Variants in TENM4 observed in about 807,000 individuals in gnomAD.
The protein encoded by TENM4 is teneurin-4.
In TENM4, 82 loss-of-function variants were observed where a neutral mutation model predicts 243.3. That is an observed-to-expected ratio of 0.34 (90% confidence interval 0.28 to 0.40). The LOEUF (loss-of-function observed/expected upper bound fraction) is 0.40, where lower values mean the gene tolerates loss of function less well. Among genes scored for constraint, TENM4 ranks in the 10% least tolerant of loss-of-function variants. TENM4 has a pLI of 1.00. For missense variants in TENM4, 3,138 were observed against 3,673.3 expected (o/e 0.85, Z 3.77); for synonymous variants, 1,412 against 1,456.3 (o/e 0.97, Z 0.69).
chr11:78,903,481 G>T lies in TENM4; in HGVS notation c.536C>A (p.Pro179Gln). ...GTGGGCGTGCGAGAGCGGCGGCGGC[G>T]GCGTCCGGAGCCGCGCGTGGTTCTG... The part of the protein sequence containing the change: ...GLQNHARLRT[P>Q]PPPLSHAHTP... The change falls in exon 7 of 34, where the codon CCG becomes CAG. Residue 179 changes from proline to glutamine, a missense_variant. Physicochemically the swap from Pro to Gln is moderately conservative, Grantham distance 76. This residue lies in a region of TENM4 where 671 missense variants were observed against 614.1 expected (regional missense o/e 1.09). Transcript: ENST00000278550. 6.5e-7 allele frequency: 1 copy of T among 1,547,578 alleles called. No individual in the cohort carries two copies.
chr11:78,908,940 G>A (rs577462171), intron 6 of TENM4, among the ~76,000 whole-genome samples: 1 of 152,210 alleles, frequency 6.6e-6, no homozygotes, highest in African/African-American at 2.4e-5. Flanking sequence ...GTAGTCAGTG[G>A]TTGGGAGGAC....
rs145963887 is a variant in TENM4 at position 78,853,180 on chromosome 11, C to T, written c.1681+924G>A. ...TGTTGATTAAGCAGAAACCCCATTC[C>T]CAGGTGTTCTGTTTAATGGAGTTAT... On this transcript the variant is annotated intron_variant, in intron 12 of 33. Coordinates refer to ENST00000278550, the MANE Select transcript of TENM4 (RefSeq NM_001098816.3). Among the ~76,000 whole-genome samples the T allele has an allele frequency of 3.1e-3, 472 of 152,244 alleles. 3 individuals are homozygous for T. Among genetic ancestry groups the T allele is most frequent in the African/African-American group, 0.011 (446 of 41,548 alleles).
At chr11:78,885,926 T>TAA (rs1412558992) in intron 9 of TENM4, among the ~76,000 whole-genome samples, 207 of 151,584 alleles carry the variant, frequency 1.4e-3, no homozygotes, top group African/African-American at 3.9e-3. Context: ...CCCCCATCTC[T>TAA]ACACAAACAA....
At position 78,782,863 on chromosome 11, in the gene TENM4, G is replaced by T. The variant is rs941331777; in HGVS notation, c.2365+4035C>A. 2.0e-5 allele frequency among the ~76,000 whole-genome samples: 3 copies of T among 151,740 alleles called. No homozygotes were observed. The East Asian group carries it at 5.8e-4, about 29-fold the overall frequency. ...GGGAAGTCTGGTTTTACTCACACAAGTAATTGCATCTTCAGGGTATCATTT... is the reference window on the plus strand; with the variant it reads ...GGGAAGTCTGGTTTTACTCACACAATTAATTGCATCTTCAGGGTATCATTT... On this transcript the variant is annotated intron_variant, in intron 16 of 33. Coordinates refer to ENST00000278550, the MANE Select transcript of TENM4 (RefSeq NM_001098816.3).
At chr11:79,082,381 G>C (rs746601647) in intron 4 of TENM4, among the ~76,000 whole-genome samples, 3 of 152,140 alleles carry the variant, frequency 2.0e-5, no homozygotes, top group Non-Finnish European at 4.4e-5. Flanking sequence ...TTTGTTTTTA[G>C]AGAGGCGGGA....
At chr11:79,320,107 G>A (rs957466350) in intron 1 of TENM4, among the ~76,000 whole-genome samples, 1 of 152,164 alleles carries the variant, frequency 6.6e-6, no homozygotes, top group Admixed American at 6.5e-5. Flanking sequence ...ACAGTTCATG[G>A]GTTCCCCTTC....
intron 14 of TENM4, among the ~76,000 whole-genome samples, chr11:78,810,534 A>C (rs1179146338): frequency 6.6e-6 from 1 of 152,146 alleles, no homozygotes; most frequent in African/African-American, 2.4e-5. Context: ...ACAGCAGATG[A>C]AGGTCACCAT....
At chr11:79,431,115 C>T (rs10899625) in intron 1 of TENM4, among the ~76,000 whole-genome samples, 18,571 of 152,162 alleles carry the variant, frequency 0.12, 1,573 homozygotes, top group East Asian at 0.31. Flanking sequence ...ACAATCTTCC[C>T]CAAACCATCA....
chr11:79,256,896 C>T (rs1394886846), intron 2 of TENM4, among the ~76,000 whole-genome samples: 1 of 152,154 alleles, frequency 6.6e-6, no homozygotes, highest in Non-Finnish European at 1.5e-5. Context: ...TGTGCAATTA[C>T]TAAGGGCCTG....
intron 4 of TENM4, among the ~76,000 whole-genome samples, chr11:79,073,704 C>T (rs1269299653): frequency 6.6e-6 from 1 of 152,154 alleles, no homozygotes; most frequent in African/African-American, 2.4e-5. Context: ...TATTTAACCT[C>T]TCTGTGCTTC....
chr11:79,134,486 G>GA (rs759355973), intron 4 of TENM4, among the ~76,000 whole-genome samples: 139 of 152,102 alleles, frequency 9.1e-4, no homozygotes, highest in Non-Finnish European at 1.6e-3. Context: ...CACAGAACTA[G>GA]AAAAAACAAT....
intron 6 of TENM4, among the ~76,000 whole-genome samples, chr11:78,924,109 C>T (rs1353105947): frequency 3.3e-5 from 5 of 152,232 alleles, no homozygotes; most frequent in Non-Finnish European, 7.3e-5. Context: ...CCTGCCTTGG[C>T]CTCCCAAAGT....
chr11:78,940,635 C>T (rs1856872064), intron 6 of TENM4, among the ~76,000 whole-genome samples: 1 of 152,190 alleles, frequency 6.6e-6, no homozygotes, highest in Admixed American at 6.5e-5. Context: ...AACATTCCTC[C>T]TGGGAGATGG....
At chr11:79,389,234 C>A (rs974311662) in intron 1 of TENM4, among the ~76,000 whole-genome samples, 2 of 152,196 alleles carry the variant, frequency 1.3e-5, no homozygotes, top group Non-Finnish European at 2.9e-5. Flanking sequence ...TGGCTCACTG[C>A]AGCCTTGACT....
chr11:79,234,931 T>C (rs542610376), intron 2 of TENM4, among the ~76,000 whole-genome samples: 1 of 152,234 alleles, frequency 6.6e-6, no homozygotes, highest in African/African-American at 2.4e-5. Context: ...CATTGAACTT[T>C]CCAGAAACCA....
intron 6 of TENM4, among the ~76,000 whole-genome samples, chr11:78,922,620 T>C (rs1382396872): frequency 1.3e-5 from 2 of 152,158 alleles, no homozygotes; most frequent in African/African-American, 4.8e-5. Context: ...CTTTGCATGG[T>C]GATCCAAAGA....
chr11:79,225,758 C>T (rs1392172195), intron 2 of TENM4, among the ~76,000 whole-genome samples: 1 of 152,186 alleles, frequency 6.6e-6, no homozygotes, highest in African/African-American at 2.4e-5. Flanking sequence ...GCTAGGATTA[C>T]AGGCGTGAGC....
chr11:79,103,545 A>G (rs1591285242), intron 4 of TENM4, among the ~76,000 whole-genome samples: 3 of 152,182 alleles, frequency 2.0e-5, no homozygotes, highest in Non-Finnish European at 2.9e-5. Flanking sequence ...ACTCGCATAC[A>G]TTACTGCATT....
chr11:78,664,132 C>G (rs1858094530), intron 32 of TENM4, among the ~76,000 whole-genome samples: 1 of 152,224 alleles, frequency 6.6e-6, no homozygotes, highest in Admixed American at 6.5e-5. Flanking sequence ...ATTTAGTTTC[C>G]TTATCTGCAT....
Sources: allele counts gnomAD v4.1 joint callset (sites outside exome capture counted in the v4.1 genomes callset), GRCh38; gene constraint gnomAD v4.1.1; regional missense constraint gnomAD v4.1.1; transcripts MANE v1.5; gene names NCBI Gene and HGNC (gene_info 2026-07-23, HGNC 2026-07-21).